The following PDILT variants were observed in gnomAD, a reference collection of about 807,000 sequenced individuals.
PDILT encodes protein disulfide-isomerase-like protein of the testis.
A neutral mutation model predicts 53.7 loss-of-function variants in PDILT; 43 were observed. The ratio of observed to expected loss-of-function variants is 0.80; its 90% CI spans 0.63 to 1.03. The LOEUF (loss-of-function observed/expected upper bound fraction) is 1.03, where lower values mean the gene tolerates loss of function less well. PDILT is among the 50% of genes least tolerant of loss of function. The probability of loss-of-function intolerance (pLI) is 0.00; values close to 1 mark genes in which losing one functional copy is unlikely to be tolerated. For missense variants in PDILT, 727 were observed against 712.3 expected (o/e 1.02, Z -0.24); for synonymous variants, 282 against 274.2 (o/e 1.03, Z -0.28).
In PDILT at chr16:20,359,227, A is replaced by C; in HGVS notation, c.*92T>G. On this transcript the variant is annotated 3_prime_UTR_variant, in exon 12 of 12. Coordinates refer to ENST00000302451, the MANE Select transcript of PDILT (RefSeq NM_174924.2). The stretch of plus-strand genomic sequence containing the variant: ...CTACCCCCGCCCCACCTACCCTACC[A>C]CAATGATATATGCTTTTATTGGAAT... 6.5e-7 allele frequency: 1 copy of C among 1,543,150 alleles called. No individual in the cohort carries two copies. The highest frequency in any genetic ancestry group is 2.3e-5 in the East Asian group (1 of 44,334).
At chr16:20,377,172 C>T (rs557386322) in intron 3 of PDILT, among the ~76,000 whole-genome samples, 5 of 152,158 alleles carry the variant, frequency 3.3e-5, no homozygotes, top group South Asian at 2.1e-4. Context: ...TCTGTAGTCC[C>T]GGCTACTTGG....
chr16:20,395,824 C>T (rs1164037399), intron 2 of PDILT, among the ~76,000 whole-genome samples: 1 of 152,182 alleles, frequency 6.6e-6, no homozygotes, highest in Non-Finnish European at 1.5e-5. Context: ...TCTTGTTCCC[C>T]TCTCACACAT....
intron 2 of PDILT, among the ~76,000 whole-genome samples, chr16:20,386,582 G>C (rs1423324568): frequency 2.0e-5 from 3 of 152,008 alleles, no homozygotes; most frequent in African/African-American, 7.3e-5. Context: ...TCCTGCAATG[G>C]GATCGGAAAG....
At position 20,365,430 on chromosome 16, in the gene PDILT, A is replaced by G; in HGVS notation, c.1227T>C (p.Phe409=). The G allele has an allele frequency of 6.2e-7, 1 of 1,614,008 alleles. No individual in the cohort carries two copies. Among genetic ancestry groups the G allele is most frequent in the Non-Finnish European group, 8.5e-7 (1 of 1,179,870 alleles). The change falls in exon 9 of 12, where the codon TTT becomes TTC. Residue 409 remains phenylalanine, a synonymous_variant. Coordinates refer to ENST00000302451, the MANE Select transcript of PDILT (RefSeq NM_174924.2). ...CTTGGAGATACTTACAGAACATCAC[A>G]AATACGTCCTTTTCTTTGTCAAAGA... ...VVVFDKEKDV[F]VMFYAPWSKK...
intron 3 of PDILT, among the ~76,000 whole-genome samples, chr16:20,380,905 C>T (rs1966452601): frequency 6.6e-6 from 1 of 152,222 alleles, no homozygotes; most frequent in Admixed American, 6.5e-5. Flanking sequence ...GTTATGAACT[C>T]TGCAAATTGT....
chr16:20,362,884 C>G (rs1966126898), intron 9 of PDILT, among the ~76,000 whole-genome samples: 1 of 151,698 alleles, frequency 6.6e-6, no homozygotes, highest in East Asian at 1.9e-4. Context: ...TCAGCCTGAC[C>G]AACATGGTGA....
chr16:20,386,587 G>C (rs2141612836), intron 2 of PDILT, among the ~76,000 whole-genome samples: 1 of 152,312 alleles, frequency 6.6e-6, no homozygotes, highest in East Asian at 1.9e-4. Flanking sequence ...CAATGGGATC[G>C]GAAAGTGAAT....
At chr16:20,368,896 C>T (rs1049135389) in intron 8 of PDILT, among the ~76,000 whole-genome samples, 1 of 152,130 alleles carries the variant, frequency 6.6e-6, no homozygotes, top group African/African-American at 2.4e-5. Context: ...TTCCAGAATC[C>T]TTTACTCCCA....
chr16:20,378,017 G>C (rs1047508987), intron 3 of PDILT, among the ~76,000 whole-genome samples: 2 of 151,984 alleles, frequency 1.3e-5, no homozygotes, highest in African/African-American at 4.8e-5. Flanking sequence ...AGGCATTAAG[G>C]AGAGGGAAAG....
chr16:20,396,959 T>C (rs1966669503), intron 2 of PDILT, among the ~76,000 whole-genome samples: 1 of 152,094 alleles, frequency 6.6e-6, no homozygotes, highest in Non-Finnish European at 1.5e-5. Context: ...CACAACAACC[T>C]GCAAGGGAGG....
At chr16:20,372,962 C>T (rs143626913) in intron 6 of PDILT, 35 bp from the exon 7 acceptor site, 2 of 1,613,708 alleles carry the variant, frequency 1.2e-6, no homozygotes, top group African/African-American at 2.7e-5. Flanking sequence ...ATCCCAAGCA[C>T]ACACAGTGGC....
chr16:20,368,127 C>A (rs1046861715), intron 8 of PDILT, among the ~76,000 whole-genome samples: 1 of 152,080 alleles, frequency 6.6e-6, no homozygotes, highest in African/African-American at 2.4e-5. Context: ...TTGGGAGGTA[C>A]TGCAATCTCC....
At chr16:20,377,815 A>G (rs977478325) in intron 3 of PDILT, among the ~76,000 whole-genome samples, 4 of 152,084 alleles carry the variant, frequency 2.6e-5, no homozygotes, top group Non-Finnish European at 5.9e-5. Flanking sequence ...TTATCCAGGC[A>G]TGGTGGCACA....
At chr16:20,389,675 TAG>T (rs1391290590) in intron 2 of PDILT, among the ~76,000 whole-genome samples, 1 of 152,100 alleles carries the variant, frequency 6.6e-6, no homozygotes, top group Non-Finnish European at 1.5e-5. Context: ...GCTTGGTGTG[TAG>T]ATGTGTTAAT....
chr16:20,360,709 G>C, intron 10 of PDILT, 52 bp from the exon 11 acceptor site: 1 of 1,355,608 alleles, frequency 7.4e-7, no homozygotes, highest in Non-Finnish European at 1.1e-6. Flanking sequence ...CCGCAGAGAT[G>C]CTCGAGGATT....
intron 5 of PDILT, among the ~76,000 whole-genome samples, chr16:20,373,446 C>G (rs1466256125): frequency 1.3e-5 from 2 of 152,168 alleles, no homozygotes; most frequent in East Asian, 3.8e-4. Flanking sequence ...AGAAATTTCT[C>G]ACATACTGCT....
In PDILT at chr16:20,360,652, G is replaced by C; in HGVS notation, c.1422C>G (p.Val474=). 6.2e-7 allele frequency: 1 copy of C among 1,611,578 alleles called. No homozygotes were observed. The highest frequency in any genetic ancestry group is 8.5e-7 in the Non-Finnish European group (1 of 1,177,806). The part of the protein sequence containing the change: ...RLFPSGSQQA[V]LYKGEHTLKG... ...TCAGGGTGTGTTCTCCCTTATACAG[G>C]ACAGCCTAGGATGAAAATGGAACAG... Residue 474 remains valine (V), a synonymous_variant, in exon 11 of 12, where the codon GTC becomes GTG. Transcript: ENST00000302451.
Position 20,395,410 on chromosome 16 carries a change from G to C in PDILT, c.202+3689C>G, listed in dbSNP as rs958774716. 2.6e-5 allele frequency among the ~76,000 whole-genome samples: 4 copies of C among 152,230 alleles called. No homozygotes were observed. The South Asian group carries it at 8.3e-4, about 32-fold the overall frequency. The stretch of plus-strand genomic sequence containing the variant: ...GTTTGCCCATCCCTTTTTATTTCTA[G>C]CTGGAACGTGCAGTGCAATGCAAGA... On this transcript the variant is annotated intron_variant, in intron 2 of 11. Transcript: ENST00000302451.
rs369490121 is a variant in PDILT at position 20,373,064 on chromosome 16, T to C, written c.740A>G (p.Asn247Ser). The C allele has an allele frequency of 1.2e-4, 187 of 1,614,032 alleles. No homozygotes were observed. The highest frequency in any genetic ancestry group is 1.4e-4 in the Non-Finnish European group (171 of 1,180,012). Residue 247 changes from asparagine (N) to serine (S), a missense_variant, in exon 6 of 12, where the codon AAT becomes AGT. Transcript: ENST00000302451. ...TGTAAGGTGCTGTTTTATGACACGATTGAGTTCCTGTTTGTTGGTACTGTC... is the reference window on the plus strand; with the variant it reads ...TGTAAGGTGCTGTTTTATGACACGACTGAGTTCCTGTTTGTTGGTACTGTC... ...INDSTNKQEL[N>S]RVIKQHLTDF... is the part of the protein sequence containing the mutation.
Sources: gnomAD v4.1 joint callset for allele counts (sites outside exome capture counted in the v4.1 genomes callset) on GRCh38, gnomAD v4.1.1 for gene constraint, MANE v1.5 for transcripts, NCBI Gene and HGNC (gene_info 2026-07-23, HGNC 2026-07-21) for gene names.